NELL1: variants seen among roughly 807,000 people sequenced by gnomAD.
NELL1 encodes the protein protein kinase C-binding protein NELL1.
In NELL1, 76 loss-of-function variants were observed where a neutral mutation model predicts 107.4. That is an observed-to-expected ratio of 0.71 (90% CI 0.59 to 0.86). The LOEUF is 0.86. Among genes scored for constraint, NELL1 ranks in the 40% least tolerant of loss-of-function variants. The pLI, the probability that NELL1 is intolerant of heterozygous loss-of-function variation, is 0.00. For synonymous variants in NELL1, 353 were observed against 341.2 expected, an observed-to-expected ratio of 1.03 and a Z score of -0.38; for missense variants, 1,024 against 1,005.5, an observed-to-expected ratio of 1.02 and a Z score of -0.25.
chr11:21,119,881 C>A (rs549861481), intron 13 of NELL1, among the ~76,000 whole-genome samples: 1 of 152,154 alleles, frequency 6.6e-6, no homozygotes, highest in African/African-American at 2.4e-5. Context: ...TTTGATAAGA[C>A]ATTATCATTA....
chr11:20,721,102 T>C (rs1855370403), intron 2 of NELL1, among the ~76,000 whole-genome samples: 1 of 150,776 alleles, frequency 6.6e-6, no homozygotes, highest in Non-Finnish European at 1.5e-5. Flanking sequence ...TCAAAATCAG[T>C]CTAGCTTCCA....
At chr11:21,255,723 T>C (rs182942773) in intron 14 of NELL1, among the ~76,000 whole-genome samples, 3 of 152,172 alleles carry the variant, frequency 2.0e-5, no homozygotes. Context: ...AGAAATATGC[T>C]AGAAAAAATA....
At chr11:21,241,828 G>A (rs1163422520) in intron 14 of NELL1, among the ~76,000 whole-genome samples, 1 of 150,878 alleles carries the variant, frequency 6.6e-6, no homozygotes, top group African/African-American at 2.4e-5. Flanking sequence ...TATGCTTATA[G>A]TAGAGTTCAT....
Position 21,384,411 on chromosome 11 carries a change from A to G in NELL1, c.1645+13463A>G, listed in dbSNP as rs75646933. Among the ~76,000 whole-genome samples the G allele has an allele frequency of 9.2e-3, 1,395 of 151,358 alleles. 10 individuals are homozygous for G. Among genetic ancestry groups the G allele is most frequent in the Non-Finnish European group, 0.016 (1,065 of 67,736 alleles). ...CACTTTTTATCCCCTTTTTCTGGCCATAATTGTCTTCTTGATTTTCTTTTT... is the reference window on the plus strand; with the variant it reads ...CACTTTTTATCCCCTTTTTCTGGCCGTAATTGTCTTCTTGATTTTCTTTTT... On this transcript the variant is annotated intron_variant, in intron 15 of 19. Transcript: ENST00000357134.
chr11:21,208,780 A>G (rs1857440283), intron 13 of NELL1, among the ~76,000 whole-genome samples: 1 of 152,072 alleles, frequency 6.6e-6, no homozygotes, highest in Admixed American at 6.6e-5. Context: ...TGAAGTAGTT[A>G]TAGCCCGAAG....
At chr11:21,131,875 C>T (rs1174405041) in intron 13 of NELL1, among the ~76,000 whole-genome samples, 1 of 152,038 alleles carries the variant, frequency 6.6e-6, no homozygotes, top group Non-Finnish European at 1.5e-5. Context: ...TTTTATTAAC[C>T]ACTATTGACT....
chr11:21,293,071 A>G (rs182433606), intron 14 of NELL1, among the ~76,000 whole-genome samples: 57 of 152,354 alleles, frequency 3.7e-4, no homozygotes, highest in Admixed American at 1.3e-3. Context: ...GCCCAAATAG[A>G]CAAATGGGAT....
chr11:21,262,316 C>T (rs530534540), intron 14 of NELL1, among the ~76,000 whole-genome samples: 92 of 151,740 alleles, frequency 6.1e-4, no homozygotes, highest in African/African-American at 2.0e-3. Context: ...GCCTCTCTGT[C>T]GGGTGAGAGC....
At chr11:20,993,072 G>C (rs1279174847) in intron 12 of NELL1, among the ~76,000 whole-genome samples, 1 of 152,114 alleles carries the variant, frequency 6.6e-6, no homozygotes, top group Non-Finnish European at 1.5e-5. Flanking sequence ...TTAATGAAGT[G>C]AGTTTCCACC....
At chr11:20,991,256 T>A (rs538843802) in intron 12 of NELL1, among the ~76,000 whole-genome samples, 7 of 152,302 alleles carry the variant, frequency 4.6e-5, no homozygotes, top group African/African-American at 1.7e-4. Context: ...TTTGTTGTAA[T>A]GCATTGTCTT....
chr11:20,885,087 T>A (rs1366753894), intron 4 of NELL1, among the ~76,000 whole-genome samples: 13 of 152,232 alleles, frequency 8.5e-5, no homozygotes, highest in Non-Finnish European at 1.5e-5. Flanking sequence ...TACTCACTGC[T>A]GTCTTCACTT....
In NELL1 at chr11:21,307,827, G is replaced by A. The variant is rs532683202; in HGVS notation, c.1550-63026G>A. 5.9e-5 allele frequency among the ~76,000 whole-genome samples: 9 copies of A among 152,078 alleles called. No homozygotes were observed. The South Asian group carries it at 1.9e-3, about 32-fold the overall frequency. On this transcript the variant is annotated intron_variant, in intron 14 of 19. Coordinates refer to ENST00000357134, the MANE Select transcript of NELL1 (RefSeq NM_006157.5). Reference sequence around the variant, plus strand: ...AGCAGATTGAGCCACAGTTCAATATGAACCCAAGGTCAAATTTTAATTAGC... The same window carrying A: ...AGCAGATTGAGCCACAGTTCAATATAAACCCAAGGTCAAATTTTAATTAGC...
intron 16 of NELL1, among the ~76,000 whole-genome samples, chr11:21,541,275 G>A (rs1262608888): frequency 6.6e-6 from 1 of 152,132 alleles, no homozygotes; most frequent in Non-Finnish European, 1.5e-5. Flanking sequence ...TTAGTTGGGT[G>A]AAGCAGTTTC....
chr11:21,138,364 A>C (rs1855790974), intron 13 of NELL1, among the ~76,000 whole-genome samples: 1 of 152,228 alleles, frequency 6.6e-6, no homozygotes, highest in Non-Finnish European at 1.5e-5. Flanking sequence ...GTTCATTTCC[A>C]CAGCAATAGC....
At chr11:21,328,614 C>G (rs968983459) in intron 14 of NELL1, among the ~76,000 whole-genome samples, 1 of 152,120 alleles carries the variant, frequency 6.6e-6, no homozygotes, top group Non-Finnish European at 1.5e-5. Context: ...TATCCACCAA[C>G]AGCTTGCACC....
chr11:21,151,408 T>C (rs1459771332), intron 13 of NELL1, among the ~76,000 whole-genome samples: 3 of 152,086 alleles, frequency 2.0e-5, no homozygotes, highest in Non-Finnish European at 4.4e-5. Context: ...TGTGCATGTA[T>C]GTATGGAGTG....
chr11:20,970,277 G>C (rs777615831), intron 12 of NELL1, among the ~76,000 whole-genome samples: 1 of 152,118 alleles, frequency 6.6e-6, no homozygotes, highest in Non-Finnish European at 1.5e-5. Flanking sequence ...CTGCAAGGTT[G>C]TACACTGCAG....
At position 21,406,917 on chromosome 11, in the gene NELL1, C is replaced by A. The variant is rs191039616; in HGVS notation, c.1645+35969C>A. 9.3e-4 allele frequency among the ~76,000 whole-genome samples: 141 copies of A among 152,114 alleles called. 2 individuals are homozygous for A. The highest frequency in any genetic ancestry group is 4.8e-3 in the South Asian group (23 of 4,816). On this transcript the variant is annotated intron_variant, in intron 15 of 19. Transcript: ENST00000357134. ...TCTACTGTGCTGTGAAACACCAGAA[C>A]TTATTCCTTCTACCCAACTGTATGT...
chr11:20,779,391 T>C (rs1046751897), intron 2 of NELL1, among the ~76,000 whole-genome samples: 2 of 152,250 alleles, frequency 1.3e-5, no homozygotes, highest in African/African-American at 2.4e-5. Context: ...ATGTTTAGCA[T>C]GTTTCACAGG....
Sources: gnomAD v4.1 joint callset for allele counts (sites outside exome capture counted in the v4.1 genomes callset) on GRCh38, gnomAD v4.1.1 for gene constraint, MANE v1.5 for transcripts, NCBI Gene and HGNC (gene_info 2026-07-23, HGNC 2026-07-21) for gene names.